CUBN: variants seen among roughly 807,000 people sequenced by gnomAD.
CUBN encodes the protein cubilin.
CUBN carries 282 observed loss-of-function variants against 405.3 expected under a neutral mutation model. That is an observed-to-expected ratio of 0.70 (90% CI 0.63 to 0.77). The LOEUF (loss-of-function observed/expected upper bound fraction) is 0.77, where lower values mean the gene tolerates loss of function less well. Ranked by LOEUF, CUBN falls within the 30% of genes least tolerant of loss-of-function variation. The pLI, the probability that CUBN is intolerant of heterozygous loss-of-function variation, is 0.00. For synonymous variants in CUBN, 1,684 were observed against 1,617.0 expected (o/e 1.04, Z -0.99); for missense variants, 4,514 against 4,475.2 (o/e 1.01, Z -0.25).
chr10:16,869,754 G>A lies in CUBN; in HGVS notation c.9336C>T (p.Phe3112=), dbSNP rs575513269. 1.9e-6 allele frequency: 3 copies of A among 1,614,056 alleles called. No homozygotes were observed. The South Asian group carries it at 3.3e-5, about 18-fold the overall frequency. ...CATTTGGTGGGCGCTTGGAACCGCA[G>A]AATTTGCCAAGAAGGGGATCGCTGG... is the stretch of plus-strand genomic sequence containing the variant. ...ANTSDPLLGK[F]CGSKRPPNVK... The change falls in exon 59 of 67, where the codon TTC becomes TTT. Residue 3112 remains phenylalanine, a synonymous_variant. Coordinates refer to ENST00000377833, the MANE Select transcript of CUBN (RefSeq NM_001081.4).
chr10:16,972,224 T>C (rs1588536210), intron 31 of CUBN, among the ~76,000 whole-genome samples: 1 of 152,102 alleles, frequency 6.6e-6, no homozygotes, highest in South Asian at 2.1e-4. Flanking sequence ...GGCCCCTTTC[T>C]CTTGGTAAAA....
At chr10:16,938,425 C>G (rs556385991) in intron 38 of CUBN, among the ~76,000 whole-genome samples, 1 of 152,092 alleles carries the variant, frequency 6.6e-6, no homozygotes, top group Non-Finnish European at 1.5e-5. Flanking sequence ...CTCTACCAAA[C>G]AAATTATGTA....
At chr10:17,085,947 T>A (rs1836099020) in intron 15 of CUBN, among the ~76,000 whole-genome samples, 188 bp from the exon 16 acceptor site, 1 of 151,066 alleles carries the variant, frequency 6.6e-6, no homozygotes, top group Non-Finnish European at 1.5e-5. Flanking sequence ...ATCACCCCAA[T>A]GCCTTCTCTC....
chr10:16,947,242 A>T lies in CUBN; in HGVS notation c.5335T>A (p.Ser1779Thr), dbSNP rs1842811164. The change falls in exon 36 of 67, where the codon TCT becomes ACT. Residue 1779 changes from serine (S) to threonine (T), a missense_variant. Ser to Thr is a moderately conservative substitution (Grantham distance 58, BLOSUM62 1). Around this residue, in one of 5 missense-constraint regions of CUBN, gnomAD observed 1,613 missense variants for 1,542.8 expected, o/e 1.05. Coordinates refer to ENST00000377833, the MANE Select transcript of CUBN (RefSeq NM_001081.4). ...CCATAAAAAAGGATTTACATAAAAG[A>T]CAGCTGGAGCCGGTTGCCAGGGGAA... is the stretch of plus-strand genomic sequence containing the variant. ...VSSPGNRLQLSFISFQLEDSQ... is the reference protein window; with the variant it reads ...VSSPGNRLQLTFISFQLEDSQ... 1 of 1,614,138 alleles carries T rather than the reference A, an allele frequency of 6.2e-7. No homozygotes were observed.
At position 17,088,354 on chromosome 10, in the gene CUBN, A is replaced by C; in HGVS notation, c.1766-9T>G. ...CAGGATACCTCCACACTCTAAAATA[A>C]GAGGGAAAAATAATGTTACATTTGT... On this transcript the variant is annotated splice_polypyrimidine_tract_variant and intron_variant, in intron 14 of 66. Transcript: ENST00000377833. 1 of 1,602,538 alleles carries C rather than the reference A, an allele frequency of 6.2e-7. No individual in the cohort carries two copies. Among genetic ancestry groups the C allele is most frequent in the Non-Finnish European group, 8.5e-7 (1 of 1,169,610 alleles).
At chr10:16,931,674 C>G (rs2131592461) in intron 40 of CUBN, among the ~76,000 whole-genome samples, 1 of 152,248 alleles carries the variant, frequency 6.6e-6, no homozygotes, top group Admixed American at 6.5e-5. Flanking sequence ...TTTCCTTAAT[C>G]CTCAGAAAAA....
chr10:16,911,623 A>T (rs888501933), intron 48 of CUBN, among the ~76,000 whole-genome samples: 2 of 152,196 alleles, frequency 1.3e-5, no homozygotes, highest in Non-Finnish European at 2.9e-5. Flanking sequence ...TGAGATCTAA[A>T]ACTATGACTG....
chr10:16,915,490 T>G (rs187795768), intron 46 of CUBN, among the ~76,000 whole-genome samples: 1 of 152,274 alleles, frequency 6.6e-6, no homozygotes, highest in Non-Finnish European at 1.5e-5. Context: ...GAGACATGCA[T>G]GATCCCTTCC....
intron 64 of CUBN, among the ~76,000 whole-genome samples, chr10:16,834,593 G>T (rs936584992): frequency 6.6e-6 from 1 of 152,202 alleles, no homozygotes; most frequent in African/African-American, 2.4e-5. Context: ...AAAATTAGGT[G>T]AGCTATTTAG....
At chr10:17,082,102 T>G (rs2131860741) in intron 17 of CUBN, among the ~76,000 whole-genome samples, 1 of 152,300 alleles carries the variant, frequency 6.6e-6, no homozygotes, top group South Asian at 2.1e-4. Flanking sequence ...AATTCAAGGC[T>G]AGAGTTAAAA....
At position 16,940,266 on chromosome 10, in the gene CUBN, G is replaced by C. The variant is rs112460214; in HGVS notation, c.5343-29C>G. ...ATTTGGGGAAAAAAATATTTAAAGG[G>C]ATTAAATTGAGAGAATAGACTTTGG... On this transcript the variant is annotated intron_variant, in intron 36 of 66. Coordinates refer to ENST00000377833, the MANE Select transcript of CUBN (RefSeq NM_001081.4). 2,396 of 1,579,088 alleles carry C rather than the reference G, an allele frequency of 1.5e-3. 40 individuals are homozygous for C. In the African/African-American group the frequency reaches 0.028, roughly 18 times the overall value.
chr10:16,888,743 T>C (rs1343375032), intron 55 of CUBN, among the ~76,000 whole-genome samples, 177 bp from the exon 56 acceptor site: 2 of 152,216 alleles, frequency 1.3e-5, no homozygotes, highest in African/African-American at 4.8e-5. Flanking sequence ...ACATATGTGC[T>C]TAATAAGAAT....
At position 16,840,521 on chromosome 10, in the gene CUBN, T is replaced by C. The variant is rs570241713; in HGVS notation, c.9841A>G (p.Thr3281Ala). Residue 3281 changes from threonine (T) to alanine (A), a missense_variant, in exon 62 of 67, where the codon ACA becomes GCA. Around this residue, in one of 5 missense-constraint regions of CUBN, gnomAD observed 1,186 missense variants for 1,186.9 expected, o/e 1.00. Transcript: ENST00000377833. ...TGTGGGGTCCAAGTTGCATTGTATGTTCCACCACAAGGCACTGGAGAGGGA... is the reference window on the plus strand; with the variant it reads ...TGTGGGGTCCAAGTTGCATTGTATGCTCCACCACAAGGCACTGGAGAGGGA... Reference protein sequence around the residue: ...YTIMDMPCGGTYNATWTPQNI... With the variant: ...YTIMDMPCGGAYNATWTPQNI... 1 of 1,597,888 alleles carries C rather than the reference T, an allele frequency of 6.3e-7. No homozygotes were observed. Among genetic ancestry groups the C allele is most frequent in the Non-Finnish European group, 8.5e-7 (1 of 1,170,786 alleles).
At chr10:16,944,345 T>A (rs1842726243) in intron 36 of CUBN, among the ~76,000 whole-genome samples, 1 of 152,206 alleles carries the variant, frequency 6.6e-6, no homozygotes, top group South Asian at 2.1e-4. Context: ...AATAAATGGT[T>A]AAATATATGT....
rs1353498272 is a variant in CUBN at position 17,046,108 on chromosome 10, G to C, written c.3330-14C>G. 1 of 1,610,868 alleles carries C rather than the reference G, an allele frequency of 6.2e-7. No individual in the cohort carries two copies. The highest frequency in any genetic ancestry group is 8.5e-7 in the Non-Finnish European group (1 of 1,177,574). On this transcript the variant is annotated splice_polypyrimidine_tract_variant and intron_variant, in intron 23 of 66. Coordinates refer to ENST00000377833, the MANE Select transcript of CUBN (RefSeq NM_001081.4). The stretch of plus-strand genomic sequence containing the variant: ...TAGCCTCCATCTCTGGCAGAATACA[G>C]AAATTAAAATTTATTGGGTTACTGA...
At chr10:16,903,660 T>C (rs1211465918) in intron 51 of CUBN, among the ~76,000 whole-genome samples, 3 of 147,648 alleles carry the variant, frequency 2.0e-5, no homozygotes, top group Admixed American at 6.8e-5. Context: ...TATTAATAAT[T>C]ATTTATTATT....
chr10:16,934,757 C>T (rs951483816), intron 39 of CUBN, among the ~76,000 whole-genome samples: 5 of 152,218 alleles, frequency 3.3e-5, no homozygotes, highest in African/African-American at 7.2e-5. Flanking sequence ...ACTTTTAAAC[C>T]GAGACATCCA....
intron 27 of CUBN, among the ~76,000 whole-genome samples, chr10:17,026,040 C>G (rs1834654492): frequency 6.6e-6 from 1 of 152,126 alleles, no homozygotes; most frequent in East Asian, 1.9e-4. Context: ...CTTCCTGTTG[C>G]AGCCTCCCTT....
chr10:16,857,404 C>T (rs1386240337), intron 59 of CUBN, among the ~76,000 whole-genome samples: 4 of 152,096 alleles, frequency 2.6e-5, no homozygotes, highest in African/African-American at 7.2e-5. Context: ...AAGAGCAATA[C>T]TTGTATAAAG....
Sources: allele counts gnomAD v4.1 joint callset (sites outside exome capture counted in the v4.1 genomes callset), GRCh38; gene constraint gnomAD v4.1.1; regional missense constraint gnomAD v4.1.1; transcripts MANE v1.5; gene names NCBI Gene and HGNC (gene_info 2026-07-23, HGNC 2026-07-21).